Variants in SH3BP5 observed in about 807,000 individuals in gnomAD.
SH3BP5 encodes the protein SH3 domain binding protein 5.
Under a neutral mutation model 43.3 loss-of-function variants are expected in SH3BP5, and 22 were observed. The ratio of observed to expected loss-of-function variants is 0.51; its 90% CI spans 0.36 to 0.73. SH3BP5 has a LOEUF of 0.73. Among genes scored for constraint, SH3BP5 ranks in the 30% least tolerant of loss-of-function variants. The probability of loss-of-function intolerance (pLI) is 0.00; values close to 1 mark genes in which losing one functional copy is unlikely to be tolerated. For synonymous variants in SH3BP5, 255 were observed against 225.8 expected, an observed-to-expected ratio of 1.13 and a Z score of -1.16; for missense variants, 529 against 586.9, an observed-to-expected ratio of 0.90 and a Z score of 1.02.
At chr3:15,290,088 C>CT (rs917959344) in intron 3 of SH3BP5, among the ~76,000 whole-genome samples, 5 of 152,116 alleles carry the variant, frequency 3.3e-5, no homozygotes, top group African/African-American at 1.2e-4. Flanking sequence ...CACAGGGCAT[C>CT]TTTTTTTACT....
intron 3 of SH3BP5, among the ~76,000 whole-genome samples, chr3:15,281,964 G>C (rs745855219): frequency 9.9e-5 from 15 of 152,074 alleles, no homozygotes; most frequent in Non-Finnish European, 2.1e-4. Context: ...CCGAGATTGC[G>C]CCACTGCACT....
chr3:15,298,737 GT>G (rs1453979993), intron 3 of SH3BP5, among the ~76,000 whole-genome samples: 2 of 152,164 alleles, frequency 1.3e-5, no homozygotes, highest in Non-Finnish European at 2.9e-5. Context: ...CTTATATGAG[GT>G]ACCTAGGGTA....
intron 2 of SH3BP5, among the ~76,000 whole-genome samples, chr3:15,319,663 C>T (rs1698271955): frequency 6.6e-6 from 1 of 152,126 alleles, no homozygotes; most frequent in African/African-American, 2.4e-5. Context: ...CTGGAAGGAG[C>T]CAGAAACCAA....
At position 15,329,461 on chromosome 3, in the gene SH3BP5, G is replaced by A. The variant is rs114902406; in HGVS notation, c.201+1043C>T. Among the ~76,000 whole-genome samples, 774 of 152,302 alleles carry A rather than the reference G, an allele frequency of 5.1e-3. 3 individuals are homozygous for A. The highest frequency in any genetic ancestry group is 0.017 in the African/African-American group (715 of 41,560). ...ACAGCCCATGCTCTTGTATACCTAC[G>A]ATGGAAATGGAGGTGGTTAGCGATA... On this transcript the variant is annotated intron_variant, in intron 2 of 8. Coordinates refer to ENST00000383791, the MANE Select transcript of SH3BP5 (RefSeq NM_004844.5).
At chr3:15,326,814 T>A (rs933656042) in intron 2 of SH3BP5, among the ~76,000 whole-genome samples, 1 of 152,326 alleles carries the variant, frequency 6.6e-6, no homozygotes, top group Middle Eastern at 3.4e-3. Flanking sequence ...TGCTGTCTAG[T>A]GAGCTTTCCT....
intron 1 of SH3BP5, chr3:15,339,610 TGA>T (rs1267494418): frequency 6.6e-6 from 1 of 152,134 alleles, no homozygotes; most frequent in Non-Finnish European, 1.5e-5. Flanking sequence ...CCAGGGAGGC[TGA>T]GACAGGAGAA....
chr3:15,333,733 T>C (rs554789953), upstream of SH3BP5, among the ~76,000 whole-genome samples: 1 of 152,324 alleles, frequency 6.6e-6, no homozygotes, highest in South Asian at 2.1e-4. Flanking sequence ...ACGCTGGCAC[T>C]GTAGTCCACT....
chr3:15,330,740 C>T (rs1559462812), intron 1 of SH3BP5, 174 bp from the exon 2 acceptor site: 2 of 985,130 alleles, frequency 2.0e-6, no homozygotes, highest in Admixed American at 6.1e-5. Context: ...AAATGAATGT[C>T]GGCATTTCTG....
chr3:15,262,711 C>A (rs1045001992), intron 4 of SH3BP5, among the ~76,000 whole-genome samples: 1 of 151,578 alleles, frequency 6.6e-6, no homozygotes, highest in Non-Finnish European at 1.5e-5. Context: ...TAATCACAGT[C>A]CTTTGGGAGG....
chr3:15,333,014 A>G (rs1298466349), upstream of SH3BP5: 2 of 829,148 alleles, frequency 2.4e-6, no homozygotes, highest in East Asian at 1.2e-4. Flanking sequence ...GGTTCCGTGC[A>G]CTGATGCATT....
chr3:15,317,788 T>C (rs1698221183), intron 2 of SH3BP5, among the ~76,000 whole-genome samples: 1 of 152,206 alleles, frequency 6.6e-6, no homozygotes, highest in African/African-American at 2.4e-5. Context: ...GCCCATCTTT[T>C]AGTTTAGATG....
chr3:15,292,078 T>A (rs1415591011), intron 3 of SH3BP5, among the ~76,000 whole-genome samples: 2 of 152,196 alleles, frequency 1.3e-5, no homozygotes, highest in Non-Finnish European at 2.9e-5. Flanking sequence ...TATGCTCTGA[T>A]TTCCTTTCAC....
intron 2 of SH3BP5, among the ~76,000 whole-genome samples, chr3:15,307,464 A>G (rs1321691815): frequency 6.6e-6 from 1 of 152,242 alleles, no homozygotes; most frequent in Non-Finnish European, 1.5e-5. Context: ...GGCCCTAATC[A>G]GGGCCGTCTC....
chr3:15,305,295 C>T (rs1409165719), intron 2 of SH3BP5, among the ~76,000 whole-genome samples: 1 of 152,240 alleles, frequency 6.6e-6, no homozygotes, highest in African/African-American at 2.4e-5. Context: ...AAACCTCTAT[C>T]TGGGGAAGAA....
At chr3:15,339,632 C>T (rs1490647316) in intron 1 of SH3BP5, 1 of 152,178 alleles carries the variant, frequency 6.6e-6, no homozygotes, top group Non-Finnish European at 1.5e-5. Context: ...ATTGCTTGAA[C>T]CCAGGAGGCG....
At chr3:15,310,210 T>G (rs1698020278) in intron 2 of SH3BP5, among the ~76,000 whole-genome samples, 1 of 152,174 alleles carries the variant, frequency 6.6e-6, no homozygotes, top group East Asian at 1.9e-4. Flanking sequence ...CTGCAACTGT[T>G]AGAGGAAATT....
At chr3:15,259,535 C>A in intron 6 of SH3BP5, 1 of 620,412 alleles carries the variant, frequency 1.6e-6, no homozygotes, top group Non-Finnish European at 2.9e-6. Flanking sequence ...GCTGTGAGAA[C>A]CACTGGCCTA....
intron 3 of SH3BP5, among the ~76,000 whole-genome samples, chr3:15,281,664 G>T (rs552384813): frequency 6.6e-6 from 1 of 152,204 alleles, no homozygotes; most frequent in South Asian, 2.1e-4. Flanking sequence ...GGACAAACAA[G>T]CCCCCTGTAG....
At chr3:15,306,187 T>G (rs1311113721) in intron 2 of SH3BP5, among the ~76,000 whole-genome samples, 1 of 149,986 alleles carries the variant, frequency 6.7e-6, no homozygotes, top group African/African-American at 2.5e-5. Flanking sequence ...AAACCCCATC[T>G]CTACTAAAAA....
Sources: gnomAD v4.1 joint callset for allele counts (sites outside exome capture counted in the v4.1 genomes callset) on GRCh38, gnomAD v4.1.1 for gene constraint, MANE v1.5 for transcripts, NCBI Gene and HGNC (gene_info 2026-07-23, HGNC 2026-07-21) for gene names.